Variants in STXBP5L observed in about 807,000 individuals in gnomAD.
STXBP5L encodes the protein syntaxin-binding protein 5-like.
STXBP5L carries 65 observed loss-of-function variants against 144.5 expected under a neutral mutation model. That is an observed-to-expected ratio of 0.45 (90% CI 0.37 to 0.55). The LOEUF is 0.55. STXBP5L is among the 20% of genes least tolerant of loss of function. The pLI is 0.00. For missense variants in STXBP5L, 1,298 were observed against 1,405.5 expected (o/e 0.92, Z 1.22); for synonymous variants, 505 against 469.6 (o/e 1.08, Z -0.97).
chr3:121,195,379 A>G (rs1402261501), intron 9 of STXBP5L, among the ~76,000 whole-genome samples: 1 of 152,172 alleles, frequency 6.6e-6, no homozygotes, highest in Non-Finnish European at 1.5e-5. Context: ...TATACAACTC[A>G]ATATTTTATA....
chr3:121,052,552 A>C (rs1218648838), intron 5 of STXBP5L, among the ~76,000 whole-genome samples: 6 of 152,254 alleles, frequency 3.9e-5, no homozygotes, highest in African/African-American at 9.6e-5. Context: ...ACAACCCTTC[A>C]TGCTAAAAAC....
chr3:121,105,817 A>G (rs1398096124), intron 5 of STXBP5L, among the ~76,000 whole-genome samples: 1 of 152,184 alleles, frequency 6.6e-6, no homozygotes, highest in Non-Finnish European at 1.5e-5. Context: ...ACGTCACATT[A>G]ATTAATATTG....
At chr3:121,322,638 A>G (rs889485335) in intron 20 of STXBP5L, among the ~76,000 whole-genome samples, 15 of 135,040 alleles carry the variant, frequency 1.1e-4, no homozygotes, top group Non-Finnish European at 2.3e-4. Context: ...ATATATGTGT[A>G]TGTGTCTTTT....
Position 120,982,138 on chromosome 3 carries a change from T to C in STXBP5L, c.287+27101T>C, listed in dbSNP as rs1172185512. 3.9e-5 allele frequency among the ~76,000 whole-genome samples: 6 copies of C among 152,278 alleles called. No homozygotes were observed. The East Asian group carries it at 1.2e-3, about 29-fold the overall frequency. ...GTGTTGTGCAGTTCAACCCCCAAGC[T>C]AGTAAGTAGGTAGCATCTATGTGTA... On this transcript the variant is annotated intron_variant, in intron 3 of 26. Coordinates refer to ENST00000471454, the MANE Select transcript of STXBP5L (RefSeq NM_001308330.2).
intron 5 of STXBP5L, among the ~76,000 whole-genome samples, chr3:121,079,602 C>T (rs572615313): frequency 3.6e-4 from 55 of 152,224 alleles, no homozygotes; most frequent in South Asian, 6.2e-4. Context: ...AATTCAAGAG[C>T]GTATTATTTA....
intron 6 of STXBP5L, among the ~76,000 whole-genome samples, chr3:121,120,630 A>C (rs919987642): frequency 1.3e-5 from 2 of 151,226 alleles, no homozygotes; most frequent in Non-Finnish European, 3.0e-5. Context: ...TATCCAATGA[A>C]TCTGTGTTTA....
At chr3:121,314,973 A>C (rs976780841) in intron 19 of STXBP5L, among the ~76,000 whole-genome samples, 2 of 152,206 alleles carry the variant, frequency 1.3e-5, no homozygotes, top group African/African-American at 4.8e-5. Flanking sequence ...ATCATTAAAA[A>C]GTCAGGAAAC....
At chr3:121,093,276 G>C (rs1305158595) in intron 5 of STXBP5L, among the ~76,000 whole-genome samples, 1 of 152,144 alleles carries the variant, frequency 6.6e-6, no homozygotes, top group Non-Finnish European at 1.5e-5. Context: ...TCAGGATGAT[G>C]CTGGCCTCAT....
intron 9 of STXBP5L, among the ~76,000 whole-genome samples, chr3:121,172,520 G>C (rs893204164): frequency 2.0e-5 from 3 of 152,158 alleles, no homozygotes; most frequent in Admixed American, 1.3e-4. Flanking sequence ...AGTGGGCAAA[G>C]GGTATCTACA....
At chr3:121,331,766 C>A (rs2044327311) in intron 20 of STXBP5L, among the ~76,000 whole-genome samples, 2 of 152,122 alleles carry the variant, frequency 1.3e-5, no homozygotes, top group African/African-American at 4.8e-5. Context: ...CCCTACTGGA[C>A]TGAAGCCTGA....
intron 3 of STXBP5L, among the ~76,000 whole-genome samples, chr3:120,986,223 A>C (rs1233038695): frequency 2.0e-5 from 3 of 151,874 alleles, no homozygotes; most frequent in Non-Finnish European, 4.4e-5. Flanking sequence ...GTTGATTTCT[A>C]ACTTCATCCC....
At chr3:121,074,366 C>T (rs182167099) in intron 5 of STXBP5L, among the ~76,000 whole-genome samples, 1 of 152,120 alleles carries the variant, frequency 6.6e-6, no homozygotes, top group East Asian at 1.9e-4. Flanking sequence ...CCTTTACTGG[C>T]TGGTAATCTC....
intron 8 of STXBP5L, among the ~76,000 whole-genome samples, chr3:121,156,388 G>T (rs1444079613): frequency 1.3e-5 from 2 of 151,820 alleles, no homozygotes; most frequent in African/African-American, 4.8e-5. Context: ...TCTCTCTCTT[G>T]CTGTTTTATA....
At chr3:121,345,879 C>A (rs1224226726) in intron 20 of STXBP5L, among the ~76,000 whole-genome samples, 1 of 152,000 alleles carries the variant, frequency 6.6e-6, no homozygotes, top group Non-Finnish European at 1.5e-5. Flanking sequence ...CTTCCCTAAT[C>A]CCAAACTGCT....
chr3:121,390,463 A>T (rs1392460543), intron 22 of STXBP5L, among the ~76,000 whole-genome samples: 1 of 152,102 alleles, frequency 6.6e-6, no homozygotes, highest in African/African-American at 2.4e-5. Context: ...CCATTCATTG[A>T]TTCAGTTTCT....
chr3:121,039,112 A>G (rs1946964363), intron 3 of STXBP5L, among the ~76,000 whole-genome samples: 2 of 152,078 alleles, frequency 1.3e-5, no homozygotes, highest in Non-Finnish European at 2.9e-5. Flanking sequence ...TGGTATTGGT[A>G]TAGCTGGGTA....
chr3:120,916,074 T>A (rs912516223), intron 2 of STXBP5L, among the ~76,000 whole-genome samples: 6 of 152,202 alleles, frequency 3.9e-5, no homozygotes, highest in Admixed American at 2.0e-4. Context: ...TGGGATTGAT[T>A]TATCAGCAAA....
At chr3:120,930,967 C>CT (rs1054969364) in intron 2 of STXBP5L, among the ~76,000 whole-genome samples, 3 of 152,054 alleles carry the variant, frequency 2.0e-5, no homozygotes, top group African/African-American at 7.2e-5. Flanking sequence ...ATACCAATTT[C>CT]TTTTTTCAGT....
intron 5 of STXBP5L, among the ~76,000 whole-genome samples, chr3:121,112,827 A>G (rs1413087290): frequency 6.6e-6 from 1 of 152,212 alleles, no homozygotes; most frequent in African/African-American, 2.4e-5. Context: ...ATGAAAGTGT[A>G]ATTATAAAAT....
Sources: gnomAD v4.1 joint callset for allele counts (sites outside exome capture counted in the v4.1 genomes callset) on GRCh38, gnomAD v4.1.1 for gene constraint, MANE v1.5 for transcripts, NCBI Gene and HGNC (gene_info 2026-07-23, HGNC 2026-07-21) for gene names.